The following FAM53A variants were observed in gnomAD, a reference collection of about 807,000 sequenced individuals.
FAM53A encodes protein FAM53A.
FAM53A carries 28 observed loss-of-function variants against 26.6 expected under a neutral mutation model. That is an observed-to-expected ratio of 1.05 (90% CI 0.78 to 1.45). The LOEUF is 1.45. FAM53A is among the 40% of genes most tolerant of loss of function. FAM53A has a pLI of 0.00. For missense variants in FAM53A, 650 were observed against 575.8 expected (o/e 1.13, Z -1.32); for synonymous variants, 290 against 253.1 (o/e 1.15, Z -1.38).
intron 2 of FAM53A, among the ~76,000 whole-genome samples, chr4:1,666,803 G>A (rs1422914538): frequency 6.6e-6 from 1 of 152,218 alleles, no homozygotes; most frequent in Non-Finnish European, 1.5e-5. Flanking sequence ...TCGCCAACAT[G>A]GCCAACATGG....
intron 1 of FAM53A, among the ~76,000 whole-genome samples, chr4:1,670,341 G>A (rs975330616): frequency 2.0e-5 from 3 of 152,256 alleles, no homozygotes; most frequent in Admixed American, 1.3e-4. Flanking sequence ...ATGAGGGCCA[G>A]GGCAAAGGCG....
At chr4:1,591,738 C>T in the FAM53A span, among the ~76,000 whole-genome samples, 8 of 152,298 alleles carry the variant, frequency 5.3e-5, no homozygotes, top group Admixed American at 5.2e-4. Flanking sequence ...GGAGGGAAAG[C>T]ATGACCCAGA....
intron 1 of FAM53A, among the ~76,000 whole-genome samples, chr4:1,621,226 C>T (rs1715018292): frequency 6.6e-6 from 1 of 151,292 alleles, no homozygotes. Context: ...GCCTCAGCCT[C>T]CCGCATAACT....
intron 1 of FAM53A, among the ~76,000 whole-genome samples, chr4:1,682,307 C>A (rs1051550180): frequency 1.4e-5 from 2 of 143,948 alleles, no homozygotes; most frequent in Middle Eastern, 3.7e-3. Flanking sequence ...TCTGTCATCA[C>A]GGTGGCGTGC....
chr4:1,633,206 A>G (rs1296006442), intron 1 of FAM53A, among the ~76,000 whole-genome samples: 1 of 152,264 alleles, frequency 6.6e-6, no homozygotes, highest in East Asian at 1.9e-4. Flanking sequence ...ATCTCCCTGC[A>G]TTCCAAACGG....
Position 1,668,563 on chromosome 4 carries a change from G to A in FAM53A, c.75+104C>T, listed in dbSNP as rs116818299. 1.4e-3 allele frequency: 1,851 copies of A among 1,345,074 alleles called. 20 individuals carry two copies. The African/African-American group carries it at 0.023, about 16-fold the overall frequency. The allele number at this position is 1,345,074 out of a possible 1,614,324, so 83.3% of individuals were successfully genotyped here. ...ATCCCTGGCCCAGCAGGGCCCCCCAGGCCCCTGAGAACTTAGCCCTCACCT... is the reference window on the plus strand; with the variant it reads ...ATCCCTGGCCCAGCAGGGCCCCCCAAGCCCCTGAGAACTTAGCCCTCACCT... On this transcript the variant is annotated intron_variant, in intron 2 of 4. Coordinates refer to ENST00000308132, the MANE Select transcript of FAM53A (RefSeq NM_001174070.3).
chr4:1,580,586 C>T, the FAM53A span, among the ~76,000 whole-genome samples: 375 of 148,346 alleles, frequency 2.5e-3, no homozygotes, highest in African/African-American at 9.1e-3. Context: ...CGCCTCCTAC[C>T]TCGGGCCCCA....
intron 2 of FAM53A, among the ~76,000 whole-genome samples, chr4:1,662,094 T>C (rs1713874415): frequency 6.6e-6 from 1 of 151,944 alleles, no homozygotes; most frequent in African/African-American, 2.4e-5. Flanking sequence ...TTTGGGAGGC[T>C]GAGGCGGGAG....
chr4:1,657,344 C>T (rs1010673863), intron 3 of FAM53A, 64 bp downstream of exon 3: 17 of 1,484,626 alleles, frequency 1.1e-5, no homozygotes, highest in Admixed American at 3.6e-5. Flanking sequence ...CCAGGACCCT[C>T]CCAGCCCAGG....
chr4:1,580,717 C>G, the FAM53A span, among the ~76,000 whole-genome samples: 2 of 143,534 alleles, frequency 1.4e-5, no homozygotes, highest in Non-Finnish European at 3.1e-5. Flanking sequence ...GCCTCCTGCC[C>G]GAGCCCTCCC....
the FAM53A span, among the ~76,000 whole-genome samples, chr4:1,578,311 A>C: frequency 5.3e-5 from 8 of 152,210 alleles, no homozygotes; most frequent in African/African-American, 1.7e-4. Flanking sequence ...CACTGCACTA[A>C]AACTGAACAC....
intron 1 of FAM53A, among the ~76,000 whole-genome samples, chr4:1,626,634 G>A (rs951860030): frequency 3.9e-5 from 6 of 151,968 alleles, no homozygotes; most frequent in African/African-American, 1.4e-4. Flanking sequence ...CCGGGACAGT[G>A]TAAACTCTCA....
chr4:1,646,076 T>C (rs188407216), intron 4 of FAM53A, among the ~76,000 whole-genome samples: 18 of 150,638 alleles, frequency 1.2e-4, no homozygotes, highest in Admixed American at 5.9e-4. Flanking sequence ...TGCTGGGGCC[T>C]GGGTCTTGGG....
At chr4:1,613,688 C>A (rs544019314), downstream of FAM53A, among the ~76,000 whole-genome samples, 13 of 152,242 alleles carry the variant, frequency 8.5e-5, no homozygotes, top group South Asian at 2.7e-3. Flanking sequence ...GTGAAGCAGG[C>A]CAGGTGTGCC....
chr4:1,654,381 C>T (rs931419113), intron 4 of FAM53A, among the ~76,000 whole-genome samples: 3 of 152,264 alleles, frequency 2.0e-5, no homozygotes, highest in Non-Finnish European at 4.4e-5. Context: ...GTGCCAACCA[C>T]GGCCTGTGAC....
chr4:1,586,989 C>A, the FAM53A span, among the ~76,000 whole-genome samples: 1 of 152,168 alleles, frequency 6.6e-6, no homozygotes, highest in African/African-American at 2.4e-5. Context: ...CCTGACTGTT[C>A]ATGACACTGG....
In FAM53A at chr4:1,655,339, A is replaced by C; in HGVS notation, c.521T>G (p.Val174Gly). ...GGGCGAGGTGGGACCGGTCGACCAC[A>C]CAGCACTCCTCGGCAGGACGGCGCC... ...SPGAVLPRSA[V>G]WSTGPTSPAT... The change falls in exon 4 of 5, where the codon GTG (valine) becomes GGG (glycine). Residue 174 changes from valine to glycine, a missense_variant. Transcript: ENST00000308132. 7.0e-7 allele frequency: 1 copy of C among 1,433,436 alleles called. No individual in the cohort carries two copies. The highest frequency in any genetic ancestry group is 1.5e-5 in the African/African-American group (1 of 66,936). 88.8% of individuals were successfully genotyped at this position (1,433,436 alleles called of 1,614,324 possible). A position where few individuals can be genotyped will look rare whatever the true frequency, so the allele number is the denominator to read the frequency against.
At chr4:1,579,762 G>A in the FAM53A span, among the ~76,000 whole-genome samples, 1 of 152,274 alleles carries the variant, frequency 6.6e-6, no homozygotes, top group East Asian at 1.9e-4. Context: ...GGGCTGGCCA[G>A]GAGTGTCCGC....
chr4:1,615,192 G>A (rs866100633), downstream of FAM53A, among the ~76,000 whole-genome samples: 8 of 148,302 alleles, frequency 5.4e-5, no homozygotes, highest in Middle Eastern at 3.6e-3. Flanking sequence ...CACCCTACTT[G>A]GGCACACACA....
Sources: allele counts gnomAD v4.1 joint callset (sites outside exome capture counted in the v4.1 genomes callset), GRCh38; gene constraint gnomAD v4.1.1; transcripts MANE v1.5; gene names NCBI Gene and HGNC (gene_info 2026-07-23, HGNC 2026-07-21).